The following ZNF503 variants were observed in gnomAD, a reference collection of about 807,000 sequenced individuals.
ZNF503 encodes zinc finger protein 503.
A neutral mutation model predicts 34.4 loss-of-function variants in ZNF503; 15 were observed. That is an observed-to-expected ratio of 0.44 (90% CI 0.29 to 0.67). The LOEUF is 0.67. Ranked by LOEUF, ZNF503 falls within the 30% of genes least tolerant of loss-of-function variation. ZNF503 has a pLI of 0.13. For synonymous variants in ZNF503, 580 were observed against 456.8 expected (o/e 1.27, Z -3.44); for missense variants, 1,007 against 926.8 (o/e 1.09, Z -1.12).
chr10:75,355,855 T>C, the ZNF503 span, among the ~76,000 whole-genome samples: 3 of 152,152 alleles, frequency 2.0e-5, no homozygotes, highest in Non-Finnish European at 4.4e-5. Flanking sequence ...AGCTGGAAGA[T>C]TCGAAGGCTG....
chr10:75,291,326 T>G, the ZNF503 span, among the ~76,000 whole-genome samples: 1 of 152,214 alleles, frequency 6.6e-6, no homozygotes, highest in African/African-American at 2.4e-5. Flanking sequence ...AGAAGCCACA[T>G]CATGGCTGGG....
the ZNF503 span, among the ~76,000 whole-genome samples, chr10:75,387,647 G>A: frequency 6.6e-6 from 1 of 152,198 alleles, no homozygotes; most frequent in African/African-American, 2.4e-5. Context: ...GTTTCTCTGT[G>A]GACATGGGTC....
At chr10:75,384,855 C>T in the ZNF503 span, among the ~76,000 whole-genome samples, 2 of 152,224 alleles carry the variant, frequency 1.3e-5, no homozygotes, top group Non-Finnish European at 2.9e-5. Context: ...CCCCCTGGGA[C>T]TACCCATTGG....
At chr10:75,387,178 G>C in the ZNF503 span, among the ~76,000 whole-genome samples, 2 of 152,220 alleles carry the variant, frequency 1.3e-5, no homozygotes, top group African/African-American at 2.4e-5. Flanking sequence ...GGAGAATCCC[G>C]GAATAACTGA....
chr10:75,281,689 C>A, the ZNF503 span, among the ~76,000 whole-genome samples: 5 of 152,164 alleles, frequency 3.3e-5, no homozygotes, highest in Non-Finnish European at 7.3e-5. Flanking sequence ...CCAGAGTTAA[C>A]CACTCAGGAC....
chr10:75,328,596 C>T, the ZNF503 span, among the ~76,000 whole-genome samples: 1 of 151,876 alleles, frequency 6.6e-6, no homozygotes, highest in African/African-American at 2.4e-5. Flanking sequence ...TCTGCGGTTC[C>T]ATACAAGTTT....
the ZNF503 span, among the ~76,000 whole-genome samples, chr10:75,342,725 G>A: frequency 6.6e-6 from 1 of 152,080 alleles, no homozygotes; most frequent in African/African-American, 2.4e-5. Context: ...TTTGATACAC[G>A]AGTTGTCCCA....
At chr10:75,303,888 C>T in the ZNF503 span, among the ~76,000 whole-genome samples, 3 of 144,056 alleles carry the variant, frequency 2.1e-5, no homozygotes, top group Admixed American at 7.2e-5. Context: ...GGCTGGAGTG[C>T]AGTGGTACAA....
the ZNF503 span, among the ~76,000 whole-genome samples, chr10:75,354,885 G>A: frequency 5.3e-5 from 8 of 152,096 alleles, no homozygotes; most frequent in South Asian, 8.3e-4. Flanking sequence ...TCACTCTATC[G>A]CCCAGGCTGG....
chr10:75,306,853 GT>G, the ZNF503 span, among the ~76,000 whole-genome samples: 17 of 152,302 alleles, frequency 1.1e-4, no homozygotes, highest in African/African-American at 4.1e-4. Context: ...CCACGCCCTT[GT>G]AAGATGGTGA....
downstream of ZNF503, among the ~76,000 whole-genome samples, chr10:75,394,522 C>T (rs924896349): frequency 6.6e-6 from 1 of 152,264 alleles, no homozygotes; most frequent in African/African-American, 2.4e-5. Flanking sequence ...TGTGTAAGTA[C>T]TGTGTGCTAA....
the ZNF503 span, chr10:75,360,825 G>C: frequency 6.6e-6 from 1 of 151,926 alleles, no homozygotes; most frequent in African/African-American, 2.4e-5. Flanking sequence ...AATCCATTTG[G>C]GTCAATGAAT....
At chr10:75,307,016 A>G in the ZNF503 span, among the ~76,000 whole-genome samples, 1 of 152,140 alleles carries the variant, frequency 6.6e-6, no homozygotes, top group East Asian at 1.9e-4. Context: ...AAATTAGGCC[A>G]ATTTCAATAT....
the ZNF503 span, among the ~76,000 whole-genome samples, chr10:75,384,809 A>G: frequency 6.6e-6 from 1 of 152,214 alleles, no homozygotes; most frequent in Non-Finnish European, 1.5e-5. Flanking sequence ...TTGTCCCCAC[A>G]GGAGGTGATG....
the ZNF503 span, among the ~76,000 whole-genome samples, chr10:75,367,400 A>G: frequency 6.8e-4 from 104 of 152,302 alleles, no homozygotes; most frequent in African/African-American, 2.1e-3. Flanking sequence ...CAATTGCACA[A>G]TGGCGCTCCG....
At chr10:75,376,802 C>G in the ZNF503 span, among the ~76,000 whole-genome samples, 4 of 152,112 alleles carry the variant, frequency 2.6e-5, no homozygotes, top group Non-Finnish European at 5.9e-5. Context: ...GAATGCATGC[C>G]TTCACTCAGG....
chr10:75,350,943 C>T, the ZNF503 span, among the ~76,000 whole-genome samples: 1 of 151,386 alleles, frequency 6.6e-6, no homozygotes, highest in Non-Finnish European at 1.5e-5. Flanking sequence ...CCATGTCCTG[C>T]CACATGGGGC....
the ZNF503 span, among the ~76,000 whole-genome samples, chr10:75,348,940 C>T: frequency 5.9e-5 from 9 of 152,264 alleles, no homozygotes; most frequent in Admixed American, 2.0e-4. Flanking sequence ...ATATACCAGT[C>T]GTTAACGTTT....
rs780897436 is a variant in ZNF503 at position 75,400,108 on chromosome 10, G to A, written c.582C>T (p.Gly194=). ...DKKEPGGGGG[G]GGGGGGGGGG... is the part of the protein sequence containing the mutation. ...CGCCGCCGCCCCCGCCACCGCCACC[G>A]CCTCCACCGCCGCCTCCCGGCTCCT... The change falls in exon 2 of 2, where the codon GGC becomes GGT. Residue 194 remains glycine (G), a synonymous_variant. Coordinates refer to ENST00000372524, the MANE Select transcript of ZNF503 (RefSeq NM_032772.6). 28 of 781,414 alleles carry A rather than the reference G, an allele frequency of 3.6e-5. No homozygotes were observed. Among genetic ancestry groups the A allele is most frequent in the Non-Finnish European group, 4.6e-5 (26 of 571,306 alleles). 48.4% of individuals were successfully genotyped at this position (781,414 alleles called of 1,614,324 possible).
Sources: allele counts gnomAD v4.1 joint callset (sites outside exome capture counted in the v4.1 genomes callset), GRCh38; gene constraint gnomAD v4.1.1; transcripts MANE v1.5; gene names NCBI Gene and HGNC (gene_info 2026-07-23, HGNC 2026-07-21).